GARIN3: variants seen among roughly 807,000 people sequenced by gnomAD.
GARIN3 encodes Golgi-associated RAB2 interactor protein 3.
chr5:157,162,099 A>G, the GARIN3 span: 1 of 308,608 alleles, frequency 3.2e-6, no homozygotes, highest in Admixed American at 4.8e-5. Context: ...GCGAGGGGAC[A>G]TGGTGGTGGC....
At chr5:157,162,702 T>C in the GARIN3 span, 1 of 1,614,260 alleles carries the variant, frequency 6.2e-7, no homozygotes, top group Admixed American at 1.7e-5. Context: ...CTGTGCTAGA[T>C]GCAGATTGGT....
chr5:157,164,608 T>C, the GARIN3 span, among the ~76,000 whole-genome samples: 1 of 152,186 alleles, frequency 6.6e-6, no homozygotes, highest in Non-Finnish European at 1.5e-5. Flanking sequence ...TTTTACGTGC[T>C]CTGCAGGACA....
At chr5:157,163,565 C>T in the GARIN3 span, 5 of 1,614,006 alleles carry the variant, frequency 3.1e-6, no homozygotes, top group Non-Finnish European at 4.2e-6. Flanking sequence ...ATTCCCTCTC[C>T]CCCAGCATAA....
chr5:157,163,136 C>G, the GARIN3 span: 1 of 1,614,162 alleles, frequency 6.2e-7, no homozygotes, highest in Non-Finnish European at 8.5e-7. Context: ...ATACTGCCTG[C>G]AAACGCCGCA....
the GARIN3 span, chr5:157,163,129 C>T: frequency 1.2e-6 from 2 of 1,614,178 alleles, no homozygotes; most frequent in African/African-American, 1.3e-5. Context: ...GGTCGTAATA[C>T]TGCCTGCAAA....
chr5:157,162,783 G>A, the GARIN3 span: 4 of 1,614,094 alleles, frequency 2.5e-6, no homozygotes, highest in African/African-American at 5.3e-5. Context: ...TGCGAGAGGA[G>A]CCATGTCGCT....
chr5:157,162,924 G>A, the GARIN3 span: 2 of 1,614,128 alleles, frequency 1.2e-6, no homozygotes, highest in East Asian at 4.5e-5. Flanking sequence ...CACCTGCCTT[G>A]CGGTGATGAG....
At chr5:157,162,788 G>T in the GARIN3 span, 2 of 1,614,222 alleles carry the variant, frequency 1.2e-6, no homozygotes, top group Non-Finnish European at 1.7e-6. Context: ...GAGGAGCCAT[G>T]TCGCTTGCCC....
the GARIN3 span, chr5:157,162,797 C>T: frequency 6.2e-7 from 1 of 1,614,192 alleles, no homozygotes; most frequent in Non-Finnish European, 8.5e-7. Context: ...TGTCGCTTGC[C>T]CCTTACGTTG....
the GARIN3 span, chr5:157,162,198 C>G: frequency 3.6e-6 from 2 of 551,488 alleles, no homozygotes; most frequent in Non-Finnish European, 6.3e-6. Context: ...GTTGGCTCTG[C>G]TGGCCGTGGG....
the GARIN3 span, chr5:157,166,216 G>A: frequency 1.7e-5 from 27 of 1,567,612 alleles, no homozygotes; most frequent in East Asian, 2.2e-4. Context: ...TAGAGTCCCC[G>A]AGAGAGAGAC....
chr5:157,164,848 TA>T, the GARIN3 span, among the ~76,000 whole-genome samples: 276 of 145,334 alleles, frequency 1.9e-3, 1 homozygote, highest in Admixed American at 3.2e-3. Flanking sequence ...TCATCTCCAC[TA>T]AAAAAAAAAA....
the GARIN3 span, among the ~76,000 whole-genome samples, chr5:157,163,857 AC>A: frequency 1.3e-5 from 2 of 152,164 alleles, no homozygotes; most frequent in Non-Finnish European, 2.9e-5. Context: ...GGAGTTCAAG[AC>A]CAGCCTTGCC....
At chr5:157,162,411 T>TC in the GARIN3 span, 2 of 1,593,388 alleles carry the variant, frequency 1.3e-6, no homozygotes, top group Non-Finnish European at 1.7e-6. Context: ...TAGGGATACT[T>TC]CCAGATCCCT....
chr5:157,165,465 A>T, the GARIN3 span: 1 of 1,501,988 alleles, frequency 6.7e-7, no homozygotes, highest in Non-Finnish European at 8.9e-7. Flanking sequence ...TACTTTTTCC[A>T]GGTGGGCCTC....
chr5:157,163,759 A>C, the GARIN3 span: 1 of 1,453,954 alleles, frequency 6.9e-7, no homozygotes, highest in Non-Finnish European at 9.2e-7. Context: ...AAGGGCTTAT[A>C]ATTAGAAGAA....
the GARIN3 span, chr5:157,162,483 C>G: frequency 6.2e-7 from 1 of 1,614,136 alleles, no homozygotes; most frequent in Admixed American, 1.7e-5. Context: ...TCATCTCCGT[C>G]TTCTCGGATG....
the GARIN3 span, chr5:157,163,507 C>T: frequency 6.2e-7 from 1 of 1,614,186 alleles, no homozygotes. Flanking sequence ...CCCTGGAGTG[C>T]TCGTGGATGG....
chr5:157,162,847 T>C, the GARIN3 span: 2 of 1,614,234 alleles, frequency 1.2e-6, no homozygotes, highest in East Asian at 2.2e-5. Flanking sequence ...CGTGTTTTTA[T>C]GGCCAGATGC....
Sources: allele counts gnomAD v4.1 joint callset (sites outside exome capture counted in the v4.1 genomes callset), GRCh38; gene constraint gnomAD v4.1.1; transcripts MANE v1.5; gene names NCBI Gene and HGNC (gene_info 2026-07-23, HGNC 2026-07-21).